OSTN: variants seen among roughly 807,000 people sequenced by gnomAD.
OSTN encodes the protein osteocrin.
A neutral mutation model predicts 12.0 loss-of-function variants in OSTN; 9 were observed. That is an observed-to-expected ratio of 0.75 (90% confidence interval 0.45 to 1.30). The LOEUF is 1.30. OSTN is among the 50% of genes most tolerant of loss of function. The pLI is 0.00. For missense variants in OSTN, 148 were observed against 152.3 expected, an observed-to-expected ratio of 0.97 and a Z score of 0.15; for synonymous variants, 59 against 56.9, an observed-to-expected ratio of 1.04 and a Z score of -0.16.
intron 1 of OSTN, among the ~76,000 whole-genome samples, chr3:191,200,156 C>A (rs1273375367): frequency 6.6e-6 from 1 of 152,026 alleles, no homozygotes; most frequent in Non-Finnish European, 1.5e-5. Flanking sequence ...TAGTGTTATA[C>A]CAAAAACACC....
In OSTN at chr3:191,200,129, A is replaced by G. The variant is rs1714120836; in HGVS notation, c.-1+822A>G. Among the ~76,000 whole-genome samples, 3 of 152,298 alleles carry G rather than the reference A, an allele frequency of 2.0e-5. 1 individual carries two copies. Among genetic ancestry groups the G allele is most frequent in the South Asian group, 4.1e-4 (2 of 4,828 alleles). The stretch of plus-strand genomic sequence containing the variant: ...GAATTATGGTAATTTTAATGCCTAT[A>G]TAAGTTATAGAATTGATAGTGTTAT... On this transcript the variant is annotated intron_variant, in intron 1 of 4. Transcript: ENST00000682035.
At chr3:191,249,923 C>A in intron 3 of OSTN, 114 bp from the exon 4 acceptor site, 1 of 725,430 alleles carries the variant, frequency 1.4e-6, no homozygotes, top group Non-Finnish European at 2.4e-6. Flanking sequence ...TGGGAACTAT[C>A]ATGTTTATTC....
At chr3:191,227,141 A>AG (rs1320792069) in intron 3 of OSTN, among the ~76,000 whole-genome samples, 4 of 152,112 alleles carry the variant, frequency 2.6e-5, no homozygotes, top group Non-Finnish European at 5.9e-5. Context: ...AACCTTGAAA[A>AG]ATAAAGAAGA....
chr3:191,210,628 A>T (rs1714395697), intron 1 of OSTN, among the ~76,000 whole-genome samples: 1 of 152,236 alleles, frequency 6.6e-6, no homozygotes, highest in Non-Finnish European at 1.5e-5. Flanking sequence ...TTACACTGAT[A>T]CTAAAGCAAA....
intron 1 of OSTN, among the ~76,000 whole-genome samples, chr3:191,209,970 C>G (rs1208419643): frequency 6.6e-6 from 1 of 152,124 alleles, no homozygotes; most frequent in Non-Finnish European, 1.5e-5. Flanking sequence ...TGTATTAGTC[C>G]ATTCTCACAC....
intron 3 of OSTN, among the ~76,000 whole-genome samples, chr3:191,240,735 G>A (rs1279887528): frequency 6.6e-6 from 1 of 152,346 alleles, no homozygotes; most frequent in Non-Finnish European, 1.5e-5. Context: ...CTTGGCTGAA[G>A]GCAGGAAGTC....
At chr3:191,260,529 C>A (rs967231757) in intron 4 of OSTN, among the ~76,000 whole-genome samples, 1 of 152,150 alleles carries the variant, frequency 6.6e-6, no homozygotes, top group Non-Finnish European at 1.5e-5. Flanking sequence ...GTGTCCCCTC[C>A]TGGGATTGGA....
In OSTN at chr3:191,250,085, G is replaced by C. The variant is rs1264275879; in HGVS notation, c.366G>C (p.Arg122=). ...PKRRFGIPMD[R]IGRNRLSNSR... ...GGCGATTTGGTATCCCCATGGATCG[G>C]ATTGGTAGAAACCGGCTTTCAAATT... is the stretch of plus-strand genomic sequence containing the variant. Residue 122 remains arginine (R), a synonymous_variant, in exon 4 of 5, where the codon CGG becomes CGC. Coordinates refer to ENST00000682035, the MANE Select transcript of OSTN (RefSeq NM_198184.2). 3 of 1,613,724 alleles carry C rather than the reference G, an allele frequency of 1.9e-6. No individual in the cohort carries two copies. Among genetic ancestry groups the C allele is most frequent in the Non-Finnish European group, 2.5e-6 (3 of 1,179,684 alleles).
Position 191,218,749 on chromosome 3 carries a change from C to G in OSTN, c.105C>G (p.Ala35=). ...AATCGCCTTTCTCTGCCTTATAGGC[C>G]TTTGATTCTGGAGTCATAGATGTGC... ...VLSVDVTTTE[A]FDSGVIDVQS... Residue 35 remains alanine (A), a splice_region_variant and synonymous_variant, in exon 3 of 5, where the codon GCC becomes GCG. Coordinates refer to ENST00000682035, the MANE Select transcript of OSTN (RefSeq NM_198184.2). The G allele has an allele frequency of 6.2e-7, 1 of 1,613,410 alleles. No individual in the cohort carries two copies. Among genetic ancestry groups the G allele is most frequent in the Non-Finnish European group, 8.5e-7 (1 of 1,179,578 alleles).
At chr3:191,252,498 A>G (rs1350942506) in intron 4 of OSTN, among the ~76,000 whole-genome samples, 1 of 152,234 alleles carries the variant, frequency 6.6e-6, no homozygotes, top group East Asian at 1.9e-4. Flanking sequence ...TCCTTCTCTT[A>G]GCAAACTTTG....
intron 3 of OSTN, among the ~76,000 whole-genome samples, chr3:191,240,580 T>G (rs12494322): frequency 0.24 from 36,178 of 152,164 alleles, 5,148 homozygotes; most frequent in South Asian, 0.38. Flanking sequence ...ACACTTTTTG[T>G]GCATCGGAAA....
At chr3:191,243,800 TATC>T (rs1480166734) in intron 3 of OSTN, among the ~76,000 whole-genome samples, 22 of 152,284 alleles carry the variant, frequency 1.4e-4, no homozygotes, top group African/African-American at 5.1e-4. Context: ...TACATGTTAA[TATC>T]AACATTATTA....
At chr3:191,224,546 A>G (rs1314284636) in intron 3 of OSTN, among the ~76,000 whole-genome samples, 1 of 152,148 alleles carries the variant, frequency 6.6e-6, no homozygotes, top group Non-Finnish European at 1.5e-5. Context: ...TAGAGAATAT[A>G]ACTTATTTTC....
In OSTN at chr3:191,203,910, G is replaced by A. The variant is rs531484182; in HGVS notation, c.-1+4603G>A. On this transcript the variant is annotated intron_variant, in intron 1 of 4. Transcript: ENST00000682035. ...TTTATTTATTTATTTATTTTGAGAT[G>A]GAGTTTCGCTCTTGTTGGCCAAGCT... Among the ~76,000 whole-genome samples, 363 of 152,178 alleles carry A rather than the reference G, an allele frequency of 2.4e-3. 3 individuals are homozygous for A. The highest frequency in any genetic ancestry group is 8.6e-3 in the African/African-American group (356 of 41,520).
At chr3:191,232,777 G>T (rs1277873163) in intron 3 of OSTN, among the ~76,000 whole-genome samples, 2 of 151,906 alleles carry the variant, frequency 1.3e-5, no homozygotes, top group Non-Finnish European at 2.9e-5. Flanking sequence ...ACCACACCTG[G>T]CTAATTTTTG....
rs920118458 is a variant in OSTN at position 191,249,939 on chromosome 3, C to G, written c.318-98C>G. The G allele has an allele frequency of 2.0e-4, 169 of 865,016 alleles. No homozygotes were observed. The East Asian group carries it at 4.1e-3, about 21-fold the overall frequency. 53.6% of individuals were successfully genotyped at this position (865,016 alleles called of 1,614,324 possible). On this transcript the variant is annotated intron_variant, in intron 3 of 4. Transcript: ENST00000682035. ...GGGAACTATCATGTTTATTCCAACT[C>G]CCAAAGAAAGCCCCCAGAGCTACAT...
intron 3 of OSTN, among the ~76,000 whole-genome samples, chr3:191,238,048 C>T (rs1169581929): frequency 6.6e-6 from 1 of 152,138 alleles, no homozygotes; most frequent in Non-Finnish European, 1.5e-5. Context: ...TGAAGAAATG[C>T]CACAGAACTG....
At chr3:191,205,443 A>AAAAT (rs753521689) in intron 1 of OSTN, among the ~76,000 whole-genome samples, 88 of 149,088 alleles carry the variant, frequency 5.9e-4, no homozygotes, top group Non-Finnish European at 1.0e-3. Flanking sequence ...AGTAAAAAAA[A>AAAAT]ATATATATAT....
intron 2 of OSTN, chr3:191,217,306 T>C (rs976493039): frequency 6.6e-6 from 1 of 152,158 alleles, no homozygotes; most frequent in Non-Finnish European, 1.5e-5. Flanking sequence ...TTGGGGAGTA[T>C]GAGGATTACA....
Sources: gnomAD v4.1 joint callset for allele counts (sites outside exome capture counted in the v4.1 genomes callset) on GRCh38, gnomAD v4.1.1 for gene constraint, MANE v1.5 for transcripts, NCBI Gene and HGNC (gene_info 2026-07-23, HGNC 2026-07-21) for gene names.